Variants in PRKN observed in about 807,000 individuals in gnomAD.
PRKN encodes E3 ubiquitin-protein ligase parkin.
Under a neutral mutation model 59.5 loss-of-function variants are expected in PRKN, and 56 were observed. That is an observed-to-expected ratio of 0.94 (90% CI 0.76 to 1.18). The LOEUF (loss-of-function observed/expected upper bound fraction) is 1.18, where lower values mean the gene tolerates loss of function less well. Ranked by LOEUF, PRKN falls within the 50% of genes most tolerant of loss-of-function variation. The probability of loss-of-function intolerance (pLI) is 0.00; values close to 1 mark genes in which losing one functional copy is unlikely to be tolerated. For missense variants in PRKN, 657 were observed against 596.4 expected (o/e 1.10, Z -1.06); for synonymous variants, 250 against 222.1 (o/e 1.13, Z -1.12).
At chr6:162,377,596 C>T (rs914680654) in intron 2 of PRKN, among the ~76,000 whole-genome samples, 4 of 152,208 alleles carry the variant, frequency 2.6e-5, no homozygotes, top group East Asian at 1.9e-4. Context: ...GACCAACACA[C>T]GCCACAGGCC....
At chr6:162,543,394 C>T (rs1209863643) in intron 1 of PRKN, among the ~76,000 whole-genome samples, 1 of 152,084 alleles carries the variant, frequency 6.6e-6, no homozygotes, top group East Asian at 1.9e-4. Context: ...CCCCTCACAG[C>T]AGCTGCTCAC....
intron 10 of PRKN, among the ~76,000 whole-genome samples, chr6:161,366,855 GTCTC>G (rs1172567046): frequency 6.6e-6 from 1 of 152,038 alleles, no homozygotes; most frequent in African/African-American, 2.4e-5. Context: ...CACCCTTGGA[GTCTC>G]TCTGAATCTG....
intron 1 of PRKN, among the ~76,000 whole-genome samples, chr6:162,496,985 A>G (rs1428127869): frequency 6.6e-6 from 1 of 152,206 alleles, no homozygotes; most frequent in Admixed American, 6.5e-5. Context: ...GTGGAATCCA[A>G]TGGGAAATAA....
chr6:162,471,982 T>C (rs1791769655), intron 1 of PRKN, among the ~76,000 whole-genome samples: 1 of 152,204 alleles, frequency 6.6e-6, no homozygotes, highest in Non-Finnish European at 1.5e-5. Context: ...GGGCACCTGG[T>C]CCATAAGAAC....
chr6:161,386,023 C>G lies in PRKN; in HGVS notation c.1167+771G>C, dbSNP rs1205855437. Among the ~76,000 whole-genome samples the G allele has an allele frequency of 6.6e-6, 1 of 152,180 alleles. No individual in the cohort carries two copies. The highest frequency in any genetic ancestry group is 2.4e-5 in the African/African-American group (1 of 41,454). On this transcript the variant is annotated intron_variant, in intron 10 of 11. Transcript: ENST00000366898. This position sits in a 1 kb window ranked among gnomAD's most constrained non-coding sequence, Gnocchi z 4.3. ...AGAGCATTCAGATCTTTAACATTCT[C>G]TATTGTAAAATCAAAATATTCTGGG...
chr6:161,661,095 A>G (rs1784527334), intron 7 of PRKN, among the ~76,000 whole-genome samples: 1 of 152,170 alleles, frequency 6.6e-6, no homozygotes, highest in Non-Finnish European at 1.5e-5. Flanking sequence ...CTGGGTTAGC[A>G]CAAGAGACTT....
intron 4 of PRKN, among the ~76,000 whole-genome samples, chr6:162,133,836 T>C (rs1174400933): frequency 3.3e-5 from 5 of 152,068 alleles, no homozygotes; most frequent in Non-Finnish European, 2.9e-5. Context: ...GTGAGGATTC[T>C]TGGAGTCGTT....
intron 10 of PRKN, among the ~76,000 whole-genome samples, chr6:161,374,496 GTGTGTGATGTA>G (rs1486276227): frequency 1.4e-5 from 2 of 147,260 alleles, no homozygotes; most frequent in East Asian, 4.2e-4. Context: ...TGTGTGTGGT[GTGTGTGATGTA>G]TGTGTGGTGT....
At chr6:161,942,737 C>G (rs901390846) in intron 6 of PRKN, among the ~76,000 whole-genome samples, 1 of 151,974 alleles carries the variant, frequency 6.6e-6, no homozygotes, top group African/African-American at 2.4e-5. Context: ...GAAGACTGTT[C>G]ATATCATTTA....
intron 7 of PRKN, among the ~76,000 whole-genome samples, chr6:161,633,789 T>A (rs911256855): frequency 2.0e-5 from 3 of 152,096 alleles, no homozygotes; most frequent in Admixed American, 2.0e-4. Flanking sequence ...ACCATCTAGT[T>A]GACAGAATCA....
intron 4 of PRKN, among the ~76,000 whole-genome samples, chr6:162,177,885 A>C (rs1175584153): frequency 6.6e-6 from 1 of 152,212 alleles, no homozygotes; most frequent in East Asian, 1.9e-4. Context: ...GCCCAAAGCC[A>C]TTGTCAGTGC....
At chr6:161,609,761 G>A (rs961097800) in intron 7 of PRKN, among the ~76,000 whole-genome samples, 7 of 152,186 alleles carry the variant, frequency 4.6e-5, no homozygotes, top group Admixed American at 2.0e-4. Context: ...GAGATTCAGG[G>A]CGAGGTCTGT....
In PRKN at chr6:161,681,757, C is replaced by T. The variant is rs558960113; in HGVS notation, c.871+104015G>A. ...TGACACAGCTGTGGTCAGGACCTGC[C>T]GCTGCCCTTTGGAGCTCACAGTCCC... On this transcript the variant is annotated intron_variant, in intron 7 of 11. Coordinates refer to ENST00000366898, the MANE Select transcript of PRKN (RefSeq NM_004562.3). Among the ~76,000 whole-genome samples the T allele has an allele frequency of 2.6e-5, 4 of 152,294 alleles. No homozygotes were observed. In the South Asian group the frequency reaches 6.2e-4, roughly 24 times the overall value.
chr6:162,429,237 A>G (rs373224029), intron 2 of PRKN, among the ~76,000 whole-genome samples: 1 of 152,112 alleles, frequency 6.6e-6, no homozygotes, highest in Non-Finnish European at 1.5e-5. Context: ...AGTTTCTTCT[A>G]TCCTTCTGCC....
At chr6:162,374,821 G>A (rs1785970732) in intron 2 of PRKN, among the ~76,000 whole-genome samples, 1 of 152,020 alleles carries the variant, frequency 6.6e-6, no homozygotes, top group Non-Finnish European at 1.5e-5. Context: ...ATAATATTAA[G>A]AGTTTGAAAT....
At chr6:162,647,974 A>AAAAAAAAAAAT in intron 1 of PRKN, among the ~76,000 whole-genome samples, 1 of 142,150 alleles carries the variant, frequency 7.0e-6, no homozygotes, top group Non-Finnish European at 1.6e-5. Context: ...AAAAAAAAAA[A>AAAAAAAAAAAT]AAAGTCTACG....
intron 7 of PRKN, among the ~76,000 whole-genome samples, chr6:161,643,678 T>C (rs1424662597): frequency 6.6e-6 from 1 of 152,230 alleles, no homozygotes; most frequent in Non-Finnish European, 1.5e-5. Context: ...GGCTAACGCA[T>C]TAGATAGAGA....
intron 6 of PRKN, among the ~76,000 whole-genome samples, chr6:161,807,817 T>G (rs1791399527): frequency 6.6e-6 from 1 of 152,190 alleles, no homozygotes; most frequent in Non-Finnish European, 1.5e-5. Context: ...TTAACTTAGA[T>G]CTTCATAACA....
At chr6:162,228,875 T>C (rs889812327) in intron 3 of PRKN, among the ~76,000 whole-genome samples, 2 of 152,138 alleles carry the variant, frequency 1.3e-5, no homozygotes, top group African/African-American at 4.8e-5. Context: ...TCACTAAGAA[T>C]AGAACCCACA....
Sources: allele counts gnomAD v4.1 joint callset (sites outside exome capture counted in the v4.1 genomes callset), GRCh38; gene constraint gnomAD v4.1.1; non-coding constraint Gnocchi (gnomAD v3.1); transcripts MANE v1.5; gene names NCBI Gene and HGNC (gene_info 2026-07-23, HGNC 2026-07-21).